The following FAM120B variants were observed in gnomAD, a reference collection of about 807,000 sequenced individuals.
FAM120B encodes the protein family with sequence similarity 120 member B, also known as constitutive coactivator of peroxisome proliferator-activated receptor gamma.
Under a neutral mutation model 96.3 loss-of-function variants are expected in FAM120B, and 83 were observed. The ratio of observed to expected loss-of-function variants is 0.86; its 90% CI spans 0.72 to 1.03. The LOEUF (loss-of-function observed/expected upper bound fraction) is 1.03, where lower values mean the gene tolerates loss of function less well. Among genes scored for constraint, FAM120B ranks in the 50% least tolerant of loss-of-function variants. The pLI is 0.00. For synonymous variants in FAM120B, 407 were observed against 402.7 expected, an observed-to-expected ratio of 1.01 and a Z score of -0.13; for missense variants, 1,027 against 1,121.2, an observed-to-expected ratio of 0.92 and a Z score of 1.20.
intron 7 of FAM120B, among the ~76,000 whole-genome samples, chr6:170,390,097 C>T (rs759226818): frequency 1.3e-5 from 2 of 152,138 alleles, no homozygotes; most frequent in South Asian, 2.1e-4. Flanking sequence ...TTTTAATACC[C>T]GCAGGGATGA....
upstream of FAM120B, among the ~76,000 whole-genome samples, chr6:170,301,906 C>G (rs1784149497): frequency 6.6e-6 from 1 of 152,184 alleles, no homozygotes; most frequent in African/African-American, 2.4e-5. Context: ...CTTCTGAGCC[C>G]TCCAAGTCTC....
At chr6:170,385,689 G>A (rs930112866) in intron 6 of FAM120B, among the ~76,000 whole-genome samples, 125 of 152,092 alleles carry the variant, frequency 8.2e-4, no homozygotes, top group African/African-American at 3.0e-3. Flanking sequence ...TAGAAGTTTC[G>A]GCAACCCTAT....
At chr6:170,396,789 G>T (rs1416647960) in intron 9 of FAM120B, among the ~76,000 whole-genome samples, 1 of 152,248 alleles carries the variant, frequency 6.6e-6, no homozygotes, top group Non-Finnish European at 1.5e-5. Context: ...GGATATTTGA[G>T]ATTGCTTTTA....
At position 170,385,369 on chromosome 6, in the gene FAM120B, T is replaced by TA. The variant is rs76550142; in HGVS notation, c.2284-2910dup. Among the ~76,000 whole-genome samples, 382 of 151,892 alleles carry TA rather than the reference T, an allele frequency of 2.5e-3. 2 individuals are homozygous for TA. Among genetic ancestry groups the TA allele is most frequent in the Middle Eastern group, 0.014 (4 of 290 alleles). On this transcript the variant is annotated intron_variant, in intron 6 of 10. Coordinates refer to ENST00000476287, the MANE Select transcript of FAM120B (RefSeq NM_032448.3). ...TTTGTAGAATTAAATGAATATACTT[T>TA]AAAAAAAAGGCTGAAAATCAATGAT...
At chr6:170,306,368 G>A (rs1562508860), upstream of FAM120B, among the ~76,000 whole-genome samples, 1 of 152,232 alleles carries the variant, frequency 6.6e-6, no homozygotes, top group South Asian at 2.1e-4. Context: ...GGCCGCGCTC[G>A]CACAACTTCG....
intron 9 of FAM120B, among the ~76,000 whole-genome samples, chr6:170,400,647 C>T (rs1778522658): frequency 6.6e-6 from 1 of 152,198 alleles, no homozygotes; most frequent in Non-Finnish European, 1.5e-5. Flanking sequence ...GGGATCGTGG[C>T]CACTTCTTCC....
intron 6 of FAM120B, 127 bp downstream of exon 6, chr6:170,358,445 G>A: frequency 4.3e-6 from 3 of 693,030 alleles, no homozygotes; most frequent in Non-Finnish European, 7.4e-6. Context: ...ATCTTTTCGT[G>A]ATGCAGTAGT....
chr6:170,310,947 G>C lies in FAM120B; in HGVS notation c.-22+4105G>C, dbSNP rs3887098. The stretch of plus-strand genomic sequence containing the variant: ...AAATCCTGAATGAGTATTTATGAGT[G>C]AATGTGGGAATTTGGTTGAGTTTAG... On this transcript the variant is annotated intron_variant, in intron 1 of 10. Transcript: ENST00000476287. Among the ~76,000 whole-genome samples, 7,633 of 152,260 alleles carry C rather than the reference G, an allele frequency of 0.05. 1,068 individuals are homozygous for C. The East Asian group carries it at 0.57, about 11-fold the overall frequency.
At chr6:170,375,721 TAAGA>T (rs2115265861) in intron 6 of FAM120B, among the ~76,000 whole-genome samples, 1 of 152,218 alleles carries the variant, frequency 6.6e-6, no homozygotes, top group African/African-American at 2.4e-5. Flanking sequence ...CTCAGAGTCC[TAAGA>T]AAGTAAGTAC....
chr6:170,349,945 C>T (rs1005609650), intron 5 of FAM120B, among the ~76,000 whole-genome samples: 2 of 152,158 alleles, frequency 1.3e-5, no homozygotes, highest in Non-Finnish European at 2.9e-5. Flanking sequence ...CCAGGGGAAG[C>T]CGTGAGTGAT....
upstream of FAM120B, among the ~76,000 whole-genome samples, chr6:170,294,378 T>G (rs994405552): frequency 3.9e-5 from 6 of 152,132 alleles, no homozygotes; most frequent in Non-Finnish European, 8.8e-5. This position sits in a 1 kb window ranked among gnomAD's most constrained non-coding sequence, Gnocchi z 7.9. Flanking sequence ...GGTGGTGGTG[T>G]TTTTTGTTTT....
At chr6:170,348,719 C>CT (rs1322836123) in intron 5 of FAM120B, among the ~76,000 whole-genome samples, 24 of 152,204 alleles carry the variant, frequency 1.6e-4, no homozygotes, top group African/African-American at 4.6e-4. Flanking sequence ...GACCTAGCTT[C>CT]TCGTAGCTCT....
intron 1 of FAM120B, among the ~76,000 whole-genome samples, chr6:170,310,262 C>T (rs765824946): frequency 3.9e-5 from 6 of 152,224 alleles, no homozygotes; most frequent in Admixed American, 1.3e-4. Flanking sequence ...AGGCCAAGGG[C>T]ACCAGAGTTC....
At chr6:170,404,737 T>C in intron 10 of FAM120B, 26 bp from the exon 11 acceptor site, 1 of 695,170 alleles carries the variant, frequency 1.4e-6, no homozygotes, top group Non-Finnish European at 2.5e-6. Context: ...GTTAACTTGG[T>C]TTCAAAACAC....
intron 8 of FAM120B, among the ~76,000 whole-genome samples, chr6:170,394,217 G>A (rs1384622161): frequency 6.6e-6 from 1 of 152,220 alleles, no homozygotes; most frequent in African/African-American, 2.4e-5. Flanking sequence ...ACACCACAAT[G>A]GGAGGACACT....
At chr6:170,366,451 T>C (rs377338636) in intron 6 of FAM120B, among the ~76,000 whole-genome samples, 152 of 152,336 alleles carry the variant, frequency 1.0e-3, no homozygotes, top group African/African-American at 3.4e-3. Context: ...TGAGTCTATT[T>C]GGCTGGACCT....
At chr6:170,379,153 C>A (rs1330848018) in intron 6 of FAM120B, among the ~76,000 whole-genome samples, 1 of 152,134 alleles carries the variant, frequency 6.6e-6, no homozygotes, top group African/African-American at 2.4e-5. Flanking sequence ...GTGCAGGGGT[C>A]CTTTAGTGGG....
Position 170,396,879 on chromosome 6 carries a change from C to A in FAM120B, c.2692+1300C>A, listed in dbSNP as rs763082422. Reference sequence around the variant, plus strand: ...CAATGGGAGGGGTTTTGTAAACTTACGTAGACTCAGACTGAAGCCTGGTGC... The same window carrying A: ...CAATGGGAGGGGTTTTGTAAACTTAAGTAGACTCAGACTGAAGCCTGGTGC... On this transcript the variant is annotated intron_variant, in intron 9 of 10. Coordinates refer to ENST00000476287, the MANE Select transcript of FAM120B (RefSeq NM_032448.3). Among the ~76,000 whole-genome samples, 7 of 152,356 alleles carry A rather than the reference C, an allele frequency of 4.6e-5. No homozygotes were observed. In the South Asian group the frequency reaches 1.4e-3, roughly 32 times the overall value.
At chr6:170,316,020 C>T (rs1192948337) in intron 1 of FAM120B, among the ~76,000 whole-genome samples, 1 of 132,146 alleles carries the variant, frequency 7.6e-6, no homozygotes, top group African/African-American at 2.9e-5. Context: ...GATCACCCCT[C>T]TGCACTCCAG....
Sources: gnomAD v4.1 joint callset for allele counts (sites outside exome capture counted in the v4.1 genomes callset) on GRCh38, gnomAD v4.1.1 for gene constraint, Gnocchi (gnomAD v3.1) non-coding constraint, MANE v1.5 for transcripts, NCBI Gene and HGNC (gene_info 2026-07-23, HGNC 2026-07-21) for gene names.